The following SPSB1 variants were observed in gnomAD, a reference collection of about 807,000 sequenced individuals.
The protein encoded by SPSB1 is splA/ryanodine receptor domain and SOCS box containing 1.
In SPSB1, 8 loss-of-function variants were observed where a neutral mutation model predicts 21.2. The observed-to-expected ratio is 0.38, with a 90% CI of 0.22 to 0.68. The LOEUF (loss-of-function observed/expected upper bound fraction) is 0.68, where lower values mean the gene tolerates loss of function less well. Among genes scored for constraint, SPSB1 ranks in the 30% least tolerant of loss-of-function variants. SPSB1 has a pLI of 0.53. For missense variants in SPSB1, 242 were observed against 377.8 expected (o/e 0.64, Z 2.98); for synonymous variants, 169 against 161.7 (o/e 1.05, Z -0.34).
At chr1:9,361,170 T>TTTTTTTTC (rs1557467345) in intron 2 of SPSB1, among the ~76,000 whole-genome samples, 5 of 136,150 alleles carry the variant, frequency 3.7e-5, no homozygotes, top group Admixed American at 7.0e-5. Flanking sequence ...TTTTTTTTTT[T>TTTTTTTTC]TTTTTTTTTT....
intron 1 of SPSB1, among the ~76,000 whole-genome samples, chr1:9,318,927 C>G (rs1282647735): frequency 6.6e-6 from 1 of 152,170 alleles, no homozygotes; most frequent in Admixed American, 6.5e-5. Context: ...CAGTGGCTCA[C>G]ACCTGTAATC....
chr1:9,340,727 C>T (rs773473294), intron 1 of SPSB1, among the ~76,000 whole-genome samples: 6 of 152,288 alleles, frequency 3.9e-5, no homozygotes, highest in South Asian at 2.1e-4. Context: ...GTCCCCTGCT[C>T]GCCCCTCTGC....
intron 1 of SPSB1, among the ~76,000 whole-genome samples, chr1:9,349,797 C>T (rs916490189): frequency 1.3e-5 from 2 of 152,138 alleles, no homozygotes; most frequent in African/African-American, 4.8e-5. Flanking sequence ...CTCTCTTGAC[C>T]CTTCCTGATC....
chr1:9,316,439 C>T (rs1201114970), intron 1 of SPSB1, among the ~76,000 whole-genome samples: 1 of 152,162 alleles, frequency 6.6e-6, no homozygotes, highest in Non-Finnish European at 1.5e-5. Context: ...CACACGGGCT[C>T]AACCAGGTGA....
At chr1:9,351,990 C>T (rs903467099) in intron 1 of SPSB1, among the ~76,000 whole-genome samples, 4 of 152,228 alleles carry the variant, frequency 2.6e-5, no homozygotes, top group African/African-American at 9.6e-5. Flanking sequence ...ACGCCCCACC[C>T]TCTTTCCCCA....
intron 1 of SPSB1, among the ~76,000 whole-genome samples, chr1:9,327,325 G>A (rs979101761): frequency 6.6e-6 from 1 of 152,228 alleles, no homozygotes; most frequent in Non-Finnish European, 1.5e-5. Context: ...TGAGTAGCAC[G>A]TATGCATGGA....
rs527318596 is a variant in SPSB1, at chr1:9,321,545, A to G, written c.-150+28474A>G. 6.6e-6 allele frequency among the ~76,000 whole-genome samples: 1 copy of G among 152,284 alleles called. No individual in the cohort carries two copies. The highest frequency in any genetic ancestry group is 2.1e-4 in the South Asian group (1 of 4,820). Reference sequence around the variant, plus strand: ...CCAAGGATTCAGCTCAGAACGGGGAAGAGGGTGTTTGAGAGACTGATGAGT... The same window carrying G: ...CCAAGGATTCAGCTCAGAACGGGGAGGAGGGTGTTTGAGAGACTGATGAGT... On this transcript the variant is annotated intron_variant, in intron 1 of 2. Transcript: ENST00000328089. The surrounding 1 kb of genome is among the most constrained non-coding windows in gnomAD (Gnocchi z 4.8).
At chr1:9,349,416 G>A (rs1168016835) in intron 1 of SPSB1, among the ~76,000 whole-genome samples, 1 of 152,266 alleles carries the variant, frequency 6.6e-6, no homozygotes, top group Non-Finnish European at 1.5e-5. Context: ...AGTGGGGGTA[G>A]GTGAGTGTGG....
At chr1:9,306,101 C>T (rs778360607) in intron 1 of SPSB1, among the ~76,000 whole-genome samples, 13 of 152,166 alleles carry the variant, frequency 8.5e-5, no homozygotes, top group East Asian at 1.9e-4. Flanking sequence ...GCTCCTGCAG[C>T]GGGAGGAACC....
At position 9,293,118 on chromosome 1, in the gene SPSB1, C is replaced by A; in HGVS notation, c.-150+47C>A. 1.0e-6 allele frequency: 1 copy of A among 977,440 alleles called. No individual in the cohort carries two copies. Among genetic ancestry groups the A allele is most frequent in the Non-Finnish European group, 1.2e-6 (1 of 824,734 alleles). 60.5% of individuals were successfully genotyped at this position (977,440 alleles called of 1,614,324 possible). The stretch of plus-strand genomic sequence containing the variant: ...GGACCCCGATGGGTGGGCGACCGGC[C>A]CGGGAGGGGGAGGCGCGGGGGGCCG... On this transcript the variant is annotated intron_variant, in intron 1 of 2. Coordinates refer to ENST00000328089, the MANE Select transcript of SPSB1 (RefSeq NM_025106.4). The surrounding 1 kb of genome is among the most constrained non-coding windows in gnomAD (Gnocchi z 5.1).
intron 1 of SPSB1, among the ~76,000 whole-genome samples, chr1:9,294,262 G>A (rs986542949): frequency 3.9e-5 from 3 of 76,916 alleles, no homozygotes; most frequent in Non-Finnish European, 1.0e-4. Context: ...GTGTCCACAC[G>A]TGTCTCTGTG....
intron 1 of SPSB1, among the ~76,000 whole-genome samples, chr1:9,329,704 CAAAAAAA>C (rs370850231): frequency 2.0e-4 from 17 of 87,060 alleles, no homozygotes; most frequent in South Asian, 1.2e-3. Flanking sequence ...AAAACAACAA[CAAAAAAA>C]AAAAAAAAAA....
At chr1:9,296,390 T>TC (rs893134441) in intron 1 of SPSB1, among the ~76,000 whole-genome samples, 1 of 152,206 alleles carries the variant, frequency 6.6e-6, no homozygotes, top group African/African-American at 2.4e-5. Context: ...GTTTGTCACC[T>TC]CCACCACCTG....
chr1:9,308,995 G>A (rs1237135226), intron 1 of SPSB1, among the ~76,000 whole-genome samples: 6 of 152,044 alleles, frequency 3.9e-5, no homozygotes, highest in African/African-American at 1.4e-4. Context: ...CCAGGCCTGC[G>A]TGGGTACAGA....
At position 9,334,800 on chromosome 1, in the gene SPSB1, T is replaced by C. The variant is rs1271999963; in HGVS notation, c.-149-20943T>C. On this transcript the variant is annotated intron_variant, in intron 1 of 2. Transcript: ENST00000328089. ...TCATGTAAGTGCAATCATATAGTATTTGTCTTTTTGTTACTGGCTTATTTT... is the reference window on the plus strand; with the variant it reads ...TCATGTAAGTGCAATCATATAGTATCTGTCTTTTTGTTACTGGCTTATTTT... Among the ~76,000 whole-genome samples, 3 of 152,250 alleles carry C rather than the reference T, an allele frequency of 2.0e-5. No homozygotes were observed. The East Asian group carries it at 5.8e-4, about 29-fold the overall frequency.
intron 1 of SPSB1, among the ~76,000 whole-genome samples, chr1:9,322,918 T>G (rs1228705845): frequency 7.1e-6 from 1 of 141,134 alleles, no homozygotes; most frequent in Non-Finnish European, 1.5e-5. Flanking sequence ...GTTGTCTGGC[T>G]GCGTCAGACG....
chr1:9,335,037 G>A (rs1557457063), intron 1 of SPSB1, among the ~76,000 whole-genome samples: 1 of 152,166 alleles, frequency 6.6e-6, no homozygotes, highest in Non-Finnish European at 1.5e-5. Context: ...GCCCTGCTTT[G>A]CATTTATTTG....
intron 1 of SPSB1, among the ~76,000 whole-genome samples, chr1:9,313,169 G>T (rs769284065): frequency 6.6e-6 from 1 of 152,182 alleles, no homozygotes; most frequent in African/African-American, 2.4e-5. Flanking sequence ...GGCTGAGGCG[G>T]GTGGATCACC....
At chr1:9,316,828 G>C (rs1421748882) in intron 1 of SPSB1, among the ~76,000 whole-genome samples, 4 of 152,188 alleles carry the variant, frequency 2.6e-5, no homozygotes, top group African/African-American at 9.7e-5. Flanking sequence ...TTCCACCTCG[G>C]TTCTCCCTGC....
Sources: allele counts gnomAD v4.1 joint callset (sites outside exome capture counted in the v4.1 genomes callset), GRCh38; gene constraint gnomAD v4.1.1; non-coding constraint Gnocchi (gnomAD v3.1); transcripts MANE v1.5; gene names NCBI Gene and HGNC (gene_info 2026-07-23, HGNC 2026-07-21).